Variants in PDE3A observed in about 807,000 individuals in gnomAD.
PDE3A encodes the protein cGMP-inhibited 3',5'-cyclic phosphodiesterase 3A.
In PDE3A, 43 loss-of-function variants were observed where a neutral mutation model predicts 98.3. The observed-to-expected ratio is 0.44, with a 90% CI of 0.34 to 0.56. PDE3A has a LOEUF of 0.56. Ranked by LOEUF, PDE3A falls within the 20% of genes least tolerant of loss-of-function variation. The pLI is 0.01. For synonymous variants in PDE3A, 663 were observed against 567.9 expected, an observed-to-expected ratio of 1.17 and a Z score of -2.38; for missense variants, 1,427 against 1,440.7, an observed-to-expected ratio of 0.99 and a Z score of 0.15.
chr12:20,516,236 G>A (rs998754388), intron 1 of PDE3A, among the ~76,000 whole-genome samples: 12 of 151,972 alleles, frequency 7.9e-5, no homozygotes, highest in African/African-American at 2.9e-4. Flanking sequence ...TATTCATTTT[G>A]GTGAAGTCTC....
chr12:20,563,037 T>C (rs1411691169), intron 2 of PDE3A, among the ~76,000 whole-genome samples: 1 of 152,156 alleles, frequency 6.6e-6, no homozygotes, highest in African/African-American at 2.4e-5. Flanking sequence ...GGCAACAAAT[T>C]GTAAAAATTC....
At chr12:20,626,587 C>T (rs568701118) in intron 5 of PDE3A, among the ~76,000 whole-genome samples, 78 of 152,230 alleles carry the variant, frequency 5.1e-4, no homozygotes, top group African/African-American at 1.8e-3. Context: ...CAACCTCTGC[C>T]TCCTGGGTTC....
chr12:20,440,366 G>C (rs964930422), intron 1 of PDE3A, among the ~76,000 whole-genome samples: 2 of 152,154 alleles, frequency 1.3e-5, no homozygotes, highest in Non-Finnish European at 2.9e-5. Flanking sequence ...TTGTGAAGTA[G>C]ACGTTAATAT....
Position 20,648,813 on chromosome 12 carries a change from C to T in PDE3A, c.2691C>T (p.Phe897=). The change falls in exon 13 of 16, where the codon TTC becomes TTT. Residue 897 remains phenylalanine, a synonymous_variant. Coordinates refer to ENST00000359062, the MANE Select transcript of PDE3A (RefSeq NM_000921.5). ...TTGACCATGTGGAATTTAAGCATTT[C>T]CGTTTCCTTGTCATTGAAGCAATTT... ...INLDHVEFKH[F]RFLVIEAILA... 1 of 1,613,920 alleles carries T rather than the reference C, an allele frequency of 6.2e-7. No individual in the cohort carries two copies.
At chr12:20,487,334 T>G (rs1436332289) in intron 1 of PDE3A, among the ~76,000 whole-genome samples, 6 of 151,636 alleles carry the variant, frequency 4.0e-5, no homozygotes, top group Non-Finnish European at 7.4e-5. Flanking sequence ...TCACATACAT[T>G]TAAAGTCAGA....
intron 1 of PDE3A, among the ~76,000 whole-genome samples, chr12:20,461,870 A>G (rs188556688): frequency 2.1e-3 from 315 of 152,310 alleles, no homozygotes; most frequent in Non-Finnish European, 2.1e-3. Flanking sequence ...GCTTATTATT[A>G]TCTCTCTGCA....
chr12:20,467,472 T>G (rs1945358731), intron 1 of PDE3A, among the ~76,000 whole-genome samples: 1 of 152,130 alleles, frequency 6.6e-6, no homozygotes, highest in South Asian at 2.1e-4. Context: ...TTATTATGCT[T>G]GCTTATATAA....
chr12:20,528,542 G>T (rs970212707), intron 1 of PDE3A, among the ~76,000 whole-genome samples: 1 of 152,172 alleles, frequency 6.6e-6, no homozygotes, highest in Non-Finnish European at 1.5e-5. Flanking sequence ...CCTTGATTAT[G>T]TTTATAATGT....
At chr12:20,613,323 T>C in intron 2 of PDE3A, 120 bp from the exon 3 acceptor site, 1 of 881,396 alleles carries the variant, frequency 1.1e-6, no homozygotes, top group Non-Finnish European at 1.8e-6. Flanking sequence ...TGAATTTTAC[T>C]GTACTGAAAT....
At chr12:20,573,602 C>T (rs1022525727) in intron 2 of PDE3A, among the ~76,000 whole-genome samples, 5 of 152,040 alleles carry the variant, frequency 3.3e-5, no homozygotes, top group African/African-American at 4.8e-5. Context: ...AAGCCACTTT[C>T]GTCTCTTCTG....
intron 1 of PDE3A, among the ~76,000 whole-genome samples, chr12:20,431,617 A>ACACG (rs1555145401): frequency 2.0e-5 from 3 of 151,666 alleles, no homozygotes; most frequent in African/African-American, 7.3e-5. Context: ...ACACACACAC[A>ACACG]CACACGCACA....
chr12:20,615,016 C>CTTTTTTTTTTTT (rs11313010), intron 3 of PDE3A, among the ~76,000 whole-genome samples: 7 of 59,126 alleles, frequency 1.2e-4, no homozygotes, highest in African/African-American at 3.6e-4. Flanking sequence ...TTCTCTCTTT[C>CTTTTTTTTTTTT]TTTTTTTTTT....
intron 1 of PDE3A, among the ~76,000 whole-genome samples, chr12:20,422,933 A>G (rs1435187708): frequency 6.6e-6 from 1 of 152,178 alleles, no homozygotes; most frequent in African/African-American, 2.4e-5. Context: ...ATCTTTATCT[A>G]ATTTGTTATA....
At chr12:20,442,145 C>A in intron 1 of PDE3A, among the ~76,000 whole-genome samples, 1 of 152,146 alleles carries the variant, frequency 6.6e-6, no homozygotes, top group East Asian at 1.9e-4. Flanking sequence ...TGTAGTTCTA[C>A]ACCAAAATGG....
chr12:20,439,293 C>T (rs1320108111), intron 1 of PDE3A, among the ~76,000 whole-genome samples: 1 of 152,140 alleles, frequency 6.6e-6, no homozygotes, highest in East Asian at 1.9e-4. Flanking sequence ...TGGAAAGTTA[C>T]TCTAAATTTA....
chr12:20,574,408 T>G (rs1942877998), intron 2 of PDE3A, among the ~76,000 whole-genome samples: 1 of 152,142 alleles, frequency 6.6e-6, no homozygotes, highest in African/African-American at 2.4e-5. Flanking sequence ...AGTCCACCAC[T>G]GAATGTATAC....
intron 2 of PDE3A, among the ~76,000 whole-genome samples, chr12:20,560,100 A>G (rs1342096190): frequency 6.6e-6 from 1 of 152,168 alleles, no homozygotes; most frequent in Non-Finnish European, 1.5e-5. Flanking sequence ...AGGGTTGGCA[A>G]TATTAAGTGA....
intron 15 of PDE3A, among the ~76,000 whole-genome samples, chr12:20,659,565 T>G (rs74066238): frequency 0.049 from 7,522 of 152,228 alleles, 336 homozygotes; most frequent in African/African-American, 0.11. Context: ...TACTGTTTTT[T>G]TTAATTGTTT....
In PDE3A at chr12:20,630,140, TA is replaced by T. The variant is rs1944348737; in HGVS notation, c.1760+14del. The T allele has an allele frequency of 2.6e-6, 4 of 1,539,786 alleles. No homozygotes were observed. Among genetic ancestry groups the T allele is most frequent in the Middle Eastern group, 1.7e-4 (1 of 5,846 alleles). On this transcript the variant is annotated intron_variant, in intron 6 of 15. Transcript: ENST00000359062. ...TTATATGTAGCAGGTAAGGATTTTT[TA>T]TGAACTGAAGTTTAATAATAAAAAC...
Sources: allele counts gnomAD v4.1 joint callset (sites outside exome capture counted in the v4.1 genomes callset), GRCh38; gene constraint gnomAD v4.1.1; transcripts MANE v1.5; gene names NCBI Gene and HGNC (gene_info 2026-07-23, HGNC 2026-07-21).